The following PIGZ variants were observed in gnomAD, a reference collection of about 807,000 sequenced individuals.
The protein encoded by PIGZ is phosphatidylinositol glycan anchor biosynthesis class Z (Gwada blood group).
Under a neutral mutation model 16.4 loss-of-function variants are expected in PIGZ, and 16 were observed. That is an observed-to-expected ratio of 0.97 (90% CI 0.66 to 1.48). The LOEUF (loss-of-function observed/expected upper bound fraction) is 1.48. Among genes scored for constraint, PIGZ ranks in the 40% most tolerant of loss-of-function variants. The pLI is 0.00. For missense variants in PIGZ, 770 were observed against 739.2 expected (o/e 1.04, Z -0.48); for synonymous variants, 409 against 338.4 (o/e 1.21, Z -2.29).
At position 196,947,688 on chromosome 3, in the gene PIGZ, A is replaced by G; in HGVS notation, c.1209T>C (p.Cys403=). The change falls in exon 3 of 3, where the codon TGT becomes TGC. Residue 403 remains cysteine, a synonymous_variant. Transcript: ENST00000412723. ...IPLLVPLVLL[C]SPQTQPVPWK... ...AAGGCACAGGCTGCGTCTGTGGACT[A>G]CAAAGCAGGACCAGGGGGACCAGGA... The G allele has an allele frequency of 6.2e-7, 1 of 1,613,098 alleles. No individual in the cohort carries two copies. The highest frequency in any genetic ancestry group is 8.5e-7 in the Non-Finnish European group (1 of 1,179,510).
At chr3:196,951,784 G>C (rs1471423224) in intron 2 of PIGZ, 37 bp downstream of exon 2, 1 of 1,604,826 alleles carries the variant, frequency 6.2e-7, no homozygotes, top group Non-Finnish European at 8.5e-7. Context: ...AGCAGACTCT[G>C]CTGCAGCTTG....
intron 1 of PIGZ, among the ~76,000 whole-genome samples, chr3:196,961,122 C>T (rs1317447926): frequency 2.0e-5 from 3 of 152,158 alleles, no homozygotes; most frequent in Admixed American, 6.5e-5. Flanking sequence ...TCACCGGCTT[C>T]GTTGGGTGCT....
chr3:196,968,400 G>A (rs1384072874), intron 1 of PIGZ, among the ~76,000 whole-genome samples: 2 of 152,194 alleles, frequency 1.3e-5, no homozygotes, highest in South Asian at 2.1e-4. Context: ...CCAGACCCGT[G>A]CCCTGGAGTG....
At chr3:196,959,440 A>G (rs948100845) in intron 1 of PIGZ, among the ~76,000 whole-genome samples, 2 of 152,214 alleles carry the variant, frequency 1.3e-5, no homozygotes. Context: ...CCATCTTTCC[A>G]TATATCATGA....
In PIGZ at chr3:196,948,611, G is replaced by T; in HGVS notation, c.286C>A (p.Pro96Thr). The T allele has an allele frequency of 6.5e-7, 1 of 1,547,448 alleles. No homozygotes were observed. ...AAGGTGGAACCAGAGATCAGCAGGG[G>T]GAAGAGCACCGAGCGGCAGGAGCTG... The part of the protein sequence containing the change: ...PSSSCRSVLF[P>T]LLISGSTFWL... Residue 96 changes from proline (P) to threonine (T), a missense_variant, in exon 3 of 3, where the codon CCC (proline) becomes ACC (threonine). Transcript: ENST00000412723.
intron 2 of PIGZ, among the ~76,000 whole-genome samples, chr3:196,949,046 C>CCCCTCCCCTCCCTT (rs1560181771): frequency 8.2e-5 from 2 of 24,358 alleles, no homozygotes; most frequent in African/African-American, 2.8e-4. Context: ...TTCCTTCCTT[C>CCCCTCCCCTCCCTT]CCTTCCCTTC....
At chr3:196,950,455 T>C (rs1717230125) in intron 2 of PIGZ, among the ~76,000 whole-genome samples, 1 of 152,260 alleles carries the variant, frequency 6.6e-6, no homozygotes, top group African/African-American at 2.4e-5. Flanking sequence ...CGTCTCTTGC[T>C]TGATCACCTG....
chr3:196,949,910 G>C (rs1024469990), intron 2 of PIGZ, among the ~76,000 whole-genome samples: 1 of 152,118 alleles, frequency 6.6e-6, no homozygotes, highest in South Asian at 2.1e-4. Context: ...TCAGGAGATG[G>C]GGGGAGAGAA....
At position 196,964,291 on chromosome 3, in the gene PIGZ, C is replaced by T. The variant is rs192297216; in HGVS notation, c.-1+4396G>A. On this transcript the variant is annotated intron_variant, in intron 1 of 2. Transcript: ENST00000412723. ...GTCTCGATCTCCTGACCTCGTGATCCGCCCACCTCGGCCTCCCAAAGTGCT... is the reference window on the plus strand; with the variant it reads ...GTCTCGATCTCCTGACCTCGTGATCTGCCCACCTCGGCCTCCCAAAGTGCT... 2.8e-3 allele frequency among the ~76,000 whole-genome samples: 428 copies of T among 152,176 alleles called. 1 individual carries two copies. Among genetic ancestry groups the T allele is most frequent in the Non-Finnish European group, 5.0e-3 (338 of 68,014 alleles).
Position 196,947,462 on chromosome 3 carries a change from C to CTA in PIGZ, c.1434_1435insTA (p.Gly479Ter). ...ATGTCCACCACCTCCACTGGTGCCC[C>CTA]CAGGCCTGGGAGGTGTAGGAGGTGC... On this transcript the variant is annotated frameshift_variant, in exon 3 of 3. Transcript: ENST00000412723. LOFTEE classifies it high-confidence loss of function. 6.2e-7 allele frequency: 1 copy of CTA among 1,613,646 alleles called. No individual in the cohort carries two copies. The highest frequency in any genetic ancestry group is 8.5e-7 in the Non-Finnish European group (1 of 1,179,982).
chr3:196,968,000 A>G (rs1411403706), intron 1 of PIGZ, among the ~76,000 whole-genome samples: 1 of 152,132 alleles, frequency 6.6e-6, no homozygotes, highest in African/African-American at 2.4e-5. Context: ...GACTTTTGAG[A>G]AGAAGGAATG....
chr3:196,960,144 AC>A (rs1359373167), intron 1 of PIGZ, among the ~76,000 whole-genome samples: 1 of 152,216 alleles, frequency 6.6e-6, no homozygotes, highest in Non-Finnish European at 1.5e-5. Context: ...CAGTAGCCTG[AC>A]TGTTACAGGA....
intron 1 of PIGZ, among the ~76,000 whole-genome samples, chr3:196,960,364 A>G (rs1228801024): frequency 6.6e-6 from 1 of 152,194 alleles, no homozygotes; most frequent in East Asian, 1.9e-4. Context: ...AAGGATGACA[A>G]TATTCATTTG....
chr3:196,954,230 A>T (rs542864200), intron 1 of PIGZ, among the ~76,000 whole-genome samples: 2 of 152,172 alleles, frequency 1.3e-5, no homozygotes, highest in African/African-American at 4.8e-5. Flanking sequence ...GGTTGTGGTG[A>T]GCTGAGATCA....
At chr3:196,959,430 C>G (rs1295934087) in intron 1 of PIGZ, among the ~76,000 whole-genome samples, 5 of 152,154 alleles carry the variant, frequency 3.3e-5, no homozygotes, top group Non-Finnish European at 5.9e-5. Context: ...GAAAGTATGA[C>G]CATCTTTCCA....
Position 196,946,646 on chromosome 3 carries a change from G to C in PIGZ, c.*511C>G, listed in dbSNP as rs1262950075. The C allele has an allele frequency of 1.3e-5, 2 of 152,430 alleles. No homozygotes were observed. The highest frequency in any genetic ancestry group is 2.9e-5 in the Non-Finnish European group (2 of 68,202). 9.4% of individuals were successfully genotyped at this position (152,430 alleles called of 1,614,324 possible). A position where few individuals can be genotyped will look rare whatever the true frequency, so the allele number is the denominator to read the frequency against. ...ACACAGCGAGGAGGTGACAGACCAA[G>C]GGGCCAGAAGTTGGGTCCCCTGGAT... On this transcript the variant is annotated 3_prime_UTR_variant, in exon 3 of 3. Transcript: ENST00000412723.
intron 2 of PIGZ, among the ~76,000 whole-genome samples, chr3:196,950,130 G>A (rs1478452854): frequency 5.3e-5 from 8 of 151,694 alleles, no homozygotes; most frequent in South Asian, 2.1e-4. Context: ...GACTACAGGC[G>A]CCCGCCACTG....
Position 196,948,994 on chromosome 3 carries a change from CCCTTTACTTCTCTTTCCCTCCCCTCCCTT to C in PIGZ, c.212-338_212-310del, listed in dbSNP as rs1560181438. ...TCCCCTCCCCTCCCTTCCCTTCCTT[CCCTTTACTTCTCTTTCCCTCCCCTCCCTT>C]CCCTTCCTTCCCTTCCTTCCTTCCC... On this transcript the variant is annotated intron_variant, in intron 2 of 2. Transcript: ENST00000412723. Among the ~76,000 whole-genome samples the C allele has an allele frequency of 1.8e-4, 8 of 44,506 alleles. 1 individual carries two copies. Among genetic ancestry groups the C allele is most frequent in the South Asian group, 1.8e-3 (2 of 1,102 alleles). 29.2% of individuals were successfully genotyped at this position (44,506 alleles called of 152,430 possible).
chr3:196,958,291 G>A (rs1717578215), intron 1 of PIGZ, among the ~76,000 whole-genome samples: 1 of 151,938 alleles, frequency 6.6e-6, no homozygotes, highest in Admixed American at 6.6e-5. Flanking sequence ...AGTGCAATAA[G>A]CCAAAAAGGG....
Sources: allele counts gnomAD v4.1 joint callset (sites outside exome capture counted in the v4.1 genomes callset), GRCh38; gene constraint gnomAD v4.1.1; transcripts MANE v1.5; gene names NCBI Gene and HGNC (gene_info 2026-07-23, HGNC 2026-07-21).